The following GRIK4 variants were observed in gnomAD, a reference collection of about 807,000 sequenced individuals.
GRIK4 encodes glutamate ionotropic receptor kainate type subunit 4.
A neutral mutation model predicts 104.9 loss-of-function variants in GRIK4; 40 were observed. That is an observed-to-expected ratio of 0.38 (90% CI 0.30 to 0.50). The LOEUF is 0.50. Ranked by LOEUF, GRIK4 falls within the 20% of genes least tolerant of loss-of-function variation. The probability of loss-of-function intolerance (pLI) is 0.93; values close to 1 mark genes in which losing one functional copy is unlikely to be tolerated. For missense variants in GRIK4, 1,047 were observed against 1,308.1 expected (o/e 0.80, Z 3.08); for synonymous variants, 485 against 524.9 (o/e 0.92, Z 1.04).
intron 13 of GRIK4, among the ~76,000 whole-genome samples, chr11:120,929,082 T>C (rs1195950321): frequency 6.6e-6 from 1 of 152,232 alleles, no homozygotes; most frequent in East Asian, 1.9e-4. Flanking sequence ...TGCTATTTAC[T>C]GTTCCTTTAT....
At chr11:120,534,022 C>T (rs776694256) in intron 1 of GRIK4, among the ~76,000 whole-genome samples, 3 of 152,090 alleles carry the variant, frequency 2.0e-5, no homozygotes, top group South Asian at 2.1e-4. Flanking sequence ...GGATGGTGGC[C>T]CTGACACAGG....
intron 3 of GRIK4, among the ~76,000 whole-genome samples, chr11:120,754,211 A>G (rs1951613611): frequency 6.6e-6 from 1 of 151,972 alleles, no homozygotes; most frequent in African/African-American, 2.4e-5. Flanking sequence ...TTGTATTTTT[A>G]GTAGATTGGC....
intron 3 of GRIK4, among the ~76,000 whole-genome samples, chr11:120,721,733 C>G (rs1019074062): frequency 6.6e-6 from 1 of 152,114 alleles, no homozygotes; most frequent in African/African-American, 2.4e-5. Flanking sequence ...GGGCTATAGG[C>G]TCTGGATTGG....
chr11:120,902,313 C>T lies in GRIK4; in HGVS notation c.1273-2977C>T, dbSNP rs1250360931. Reference sequence around the variant, plus strand: ...ACAGCACCCCTGCTCCAGGCTAGCACTCAACACCCCAGCATTCTCCAAGGT... The same window carrying T: ...ACAGCACCCCTGCTCCAGGCTAGCATTCAACACCCCAGCATTCTCCAAGGT... On this transcript the variant is annotated intron_variant, in intron 12 of 20. Coordinates refer to ENST00000527524, the MANE Select transcript of GRIK4 (RefSeq NM_014619.5). This position sits in a 1 kb window ranked among gnomAD's most constrained non-coding sequence, Gnocchi z 4.5. Among the ~76,000 whole-genome samples the T allele has an allele frequency of 1.3e-5, 2 of 152,184 alleles. No individual in the cohort carries two copies. The highest frequency in any genetic ancestry group is 1.3e-4 in the Admixed American group (2 of 15,284).
intron 14 of GRIK4, among the ~76,000 whole-genome samples, chr11:120,951,663 T>C (rs1234507018): frequency 6.6e-6 from 1 of 152,148 alleles, no homozygotes; most frequent in Non-Finnish European, 1.5e-5. Context: ...TCTAGTCCAG[T>C]GGTTTTATAG....
chr11:120,820,608 G>T (rs1953095713), intron 6 of GRIK4, among the ~76,000 whole-genome samples: 1 of 152,186 alleles, frequency 6.6e-6, no homozygotes, highest in Non-Finnish European at 1.5e-5. Flanking sequence ...GGTCAAACAG[G>T]TGCTGGCCAC....
chr11:120,906,267 G>A (rs749290776), intron 13 of GRIK4, among the ~76,000 whole-genome samples: 26 of 152,210 alleles, frequency 1.7e-4, no homozygotes, highest in Non-Finnish European at 3.4e-4. Context: ...TAATGATCAG[G>A]ATAGGTGATG....
chr11:120,599,222 A>T (rs1948847606), intron 1 of GRIK4, among the ~76,000 whole-genome samples: 1 of 152,212 alleles, frequency 6.6e-6, no homozygotes, highest in African/African-American at 2.4e-5. Context: ...GTGAAAACAC[A>T]ACTTCCCTTT....
At chr11:120,696,715 C>T (rs1333253478) in intron 3 of GRIK4, among the ~76,000 whole-genome samples, 4 of 151,990 alleles carry the variant, frequency 2.6e-5, no homozygotes, top group Admixed American at 6.6e-5. Flanking sequence ...GCCAAGGCAG[C>T]GGCAGCAGGG....
At chr11:120,720,421 C>T (rs1950910716) in intron 3 of GRIK4, among the ~76,000 whole-genome samples, 1 of 152,174 alleles carries the variant, frequency 6.6e-6, no homozygotes, top group South Asian at 2.1e-4. Flanking sequence ...AGGCTGACTC[C>T]CTTGCAGTCC....
chr11:120,850,133 T>C lies in GRIK4; in HGVS notation c.745-11826T>C, dbSNP rs1953941231. On this transcript the variant is annotated intron_variant, in intron 8 of 20. Transcript: ENST00000527524. Reference sequence around the variant, plus strand: ...CCTCCCTGTAGTCCAGTTTCTCTCTTAGTTCATATCTCCTTGGCTTCCTCT... The same window carrying C: ...CCTCCCTGTAGTCCAGTTTCTCTCTCAGTTCATATCTCCTTGGCTTCCTCT... 2.0e-5 allele frequency among the ~76,000 whole-genome samples: 3 copies of C among 152,200 alleles called. No homozygotes were observed. In the South Asian group the frequency reaches 6.2e-4, roughly 32 times the overall value.
At chr11:120,912,213 G>T (rs1943014955) in intron 13 of GRIK4, among the ~76,000 whole-genome samples, 1 of 152,152 alleles carries the variant, frequency 6.6e-6, no homozygotes, top group African/African-American at 2.4e-5. Context: ...CAGCAATGAG[G>T]TAGAAAAACA....
At chr11:120,607,023 G>A (rs935162940) in intron 1 of GRIK4, among the ~76,000 whole-genome samples, 1 of 152,196 alleles carries the variant, frequency 6.6e-6, no homozygotes, top group Non-Finnish European at 1.5e-5. Context: ...ATGGAATTTG[G>A]GTGGTCTCCT....
At chr11:120,578,303 T>G (rs1591708817) in intron 1 of GRIK4, among the ~76,000 whole-genome samples, 1 of 151,390 alleles carries the variant, frequency 6.6e-6, no homozygotes, top group Non-Finnish European at 1.5e-5. Context: ...AAAGGGGAGG[T>G]GAGAAGTTAC....
At chr11:120,820,048 C>A in intron 6 of GRIK4, 128 bp downstream of exon 6, 1 of 817,682 alleles carries the variant, frequency 1.2e-6, no homozygotes, top group Non-Finnish European at 2.0e-6. Flanking sequence ...GGGCTGATAA[C>A]CAATGGGTTT....
intron 1 of GRIK4, among the ~76,000 whole-genome samples, chr11:120,643,271 C>T (rs995972799): frequency 6.6e-6 from 1 of 152,120 alleles, no homozygotes; most frequent in Non-Finnish European, 1.5e-5. Context: ...AGGATGAAAG[C>T]CCCCTGAGAG....
chr11:120,714,269 GT>G (rs1260528460), intron 3 of GRIK4, among the ~76,000 whole-genome samples: 1 of 152,248 alleles, frequency 6.6e-6, no homozygotes, highest in African/African-American at 2.4e-5. Context: ...CAGCTCTGGG[GT>G]TTTGGAGAAA....
At chr11:120,641,166 T>A (rs1232281952) in intron 1 of GRIK4, among the ~76,000 whole-genome samples, 1 of 152,228 alleles carries the variant, frequency 6.6e-6, no homozygotes, top group Non-Finnish European at 1.5e-5. Flanking sequence ...GTGAATGATA[T>A]GGCTACTTTA....
chr11:120,778,588 A>G (rs1037033114), intron 3 of GRIK4, among the ~76,000 whole-genome samples: 12 of 152,260 alleles, frequency 7.9e-5, no homozygotes, highest in African/African-American at 2.9e-4. Flanking sequence ...TAATAAATAA[A>G]GCAAAAGCTG....
Sources: allele counts gnomAD v4.1 joint callset (sites outside exome capture counted in the v4.1 genomes callset), GRCh38; gene constraint gnomAD v4.1.1; non-coding constraint Gnocchi (gnomAD v3.1); transcripts MANE v1.5; gene names NCBI Gene and HGNC (gene_info 2026-07-23, HGNC 2026-07-21).